The following PDE4D variants were observed in gnomAD, a reference collection of about 807,000 sequenced individuals.
PDE4D encodes the protein 3',5'-cyclic-AMP phosphodiesterase 4D.
PDE4D carries 24 observed loss-of-function variants against 87.4 expected under a neutral mutation model. That is an observed-to-expected ratio of 0.27 (90% CI 0.20 to 0.39). PDE4D has a LOEUF of 0.39. Ranked by LOEUF, PDE4D falls within the 10% of genes least tolerant of loss-of-function variation. PDE4D has a pLI of 1.00. For missense variants in PDE4D, 714 were observed against 1,041.0 expected, an observed-to-expected ratio of 0.69 and a Z score of 4.32; for synonymous variants, 384 against 383.2, an observed-to-expected ratio of 1.00 and a Z score of -0.02.
chr5:59,901,389 T>G (rs538733570), intron 3 of PDE4D, among the ~76,000 whole-genome samples: 1 of 152,316 alleles, frequency 6.6e-6, no homozygotes, highest in East Asian at 1.9e-4. Flanking sequence ...TATTATAGTA[T>G]TCATGCAAGG....
chr5:60,017,268 A>G (rs1369765039), intron 2 of PDE4D, among the ~76,000 whole-genome samples: 1 of 152,196 alleles, frequency 6.6e-6, no homozygotes, highest in Non-Finnish European at 1.5e-5. Flanking sequence ...ATAGAGCACA[A>G]AGAGAGTAGA....
chr5:59,599,918 G>C (rs764516077), intron 1 of PDE4D, among the ~76,000 whole-genome samples: 7 of 152,194 alleles, frequency 4.6e-5, no homozygotes, highest in African/African-American at 7.2e-5. Flanking sequence ...TCGTAAGATG[G>C]CATCACATGT....
In PDE4D at chr5:60,493,424, G is replaced by A. The variant is rs1021484948; in HGVS notation, n.70+28627C>T. ...GCTTAAATATGAGCTATGTTGAAGC[G>A]AATTATATTTTCTCCTCCCATTGAT... On this transcript the variant is annotated intron_variant and non_coding_transcript_variant, in intron 1 of 2. Transcript: ENST00000506510. 4.6e-5 allele frequency among the ~76,000 whole-genome samples: 7 copies of A among 152,140 alleles called. No individual in the cohort carries two copies. In the South Asian group the frequency reaches 1.0e-3, roughly 23 times the overall value.
intron 2 of PDE4D, among the ~76,000 whole-genome samples, chr5:60,148,897 G>C (rs1376063896): frequency 6.6e-6 from 1 of 152,146 alleles, no homozygotes; most frequent in Non-Finnish European, 1.5e-5. Flanking sequence ...TTATTTATAT[G>C]TTGCCGTCTT....
rs371999024 is a variant in PDE4D, at chr5:59,323,583, T to C, written c.456-107615A>G. ...AAATGTGAGTGATTATTAATCCCTA[T>C]TTCTCTTACCTATTAACCAAGTCCT... On this transcript the variant is annotated intron_variant, in intron 1 of 14. Transcript: ENST00000340635. Among the ~76,000 whole-genome samples, 18 of 152,180 alleles carry C rather than the reference T, an allele frequency of 1.2e-4. No homozygotes were observed. The South Asian group carries it at 2.1e-3, about 18-fold the overall frequency.
intron 6 of PDE4D, among the ~76,000 whole-genome samples, chr5:59,003,602 C>T (rs1040333741): frequency 6.6e-6 from 1 of 152,216 alleles, no homozygotes; most frequent in Non-Finnish European, 1.5e-5. Context: ...AAAGCTTTCT[C>T]ACCTGCAGCT....
intron 1 of PDE4D, chr5:60,429,859 TA>T: frequency 3.0e-6 from 1 of 338,552 alleles, no homozygotes; most frequent in Non-Finnish European, 5.8e-6. Context: ...TTTTTTTTTT[TA>T]AACAATTTTA....
intron 2 of PDE4D, among the ~76,000 whole-genome samples, chr5:60,171,626 T>C (rs1366286466): frequency 6.6e-6 from 1 of 152,100 alleles, no homozygotes; most frequent in African/African-American, 2.4e-5. Context: ...TGGATTTAAA[T>C]CCAGTGAAAT....
chr5:59,883,925 C>CTTTT (rs201461126), intron 1 of PDE4D, among the ~76,000 whole-genome samples: 1 of 151,808 alleles, frequency 6.6e-6, no homozygotes, highest in Admixed American at 6.6e-5. Flanking sequence ...CAATCCTTTG[C>CTTTT]TTTTTTTGGG....
chr5:60,142,757 C>T (rs1004879093), intron 2 of PDE4D, among the ~76,000 whole-genome samples: 28 of 152,142 alleles, frequency 1.8e-4, no homozygotes, highest in African/African-American at 6.8e-4. Flanking sequence ...CAGAGAACCA[C>T]TGAAGATGAG....
intron 3 of PDE4D, among the ~76,000 whole-genome samples, chr5:59,924,073 A>G (rs1387237619): frequency 1.3e-5 from 2 of 152,220 alleles, no homozygotes; most frequent in Non-Finnish European, 2.9e-5. Context: ...CTGTAGTTGA[A>G]AAGTGTAATT....
intron 2 of PDE4D, among the ~76,000 whole-genome samples, chr5:60,121,906 T>A (rs1171060258): frequency 6.6e-6 from 1 of 152,168 alleles, no homozygotes; most frequent in Non-Finnish European, 1.5e-5. Flanking sequence ...GCTAGTTACT[T>A]CCTAGAGACA....
At chr5:59,922,496 A>T (rs1754781849) in intron 3 of PDE4D, among the ~76,000 whole-genome samples, 1 of 152,084 alleles carries the variant, frequency 6.6e-6, no homozygotes, top group South Asian at 2.1e-4. Context: ...TTTGTCTTGC[A>T]ATTTGGATAC....
intron 1 of PDE4D, among the ~76,000 whole-genome samples, chr5:59,531,288 A>G (rs1814175443): frequency 6.6e-6 from 1 of 152,128 alleles, no homozygotes; most frequent in Non-Finnish European, 1.5e-5. Context: ...ATCTCCTTTG[A>G]GTCTATGCAA....
chr5:59,394,923 T>G (rs62355532), intron 1 of PDE4D, among the ~76,000 whole-genome samples: 2 of 151,560 alleles, frequency 1.3e-5, no homozygotes, highest in Non-Finnish European at 2.9e-5. Flanking sequence ...ACTCGGGAAG[T>G]GCAAGGGGTC....
At chr5:60,223,123 G>T (rs1326861189) in intron 1 of PDE4D, among the ~76,000 whole-genome samples, 1 of 152,028 alleles carries the variant, frequency 6.6e-6, no homozygotes, top group Non-Finnish European at 1.5e-5. Flanking sequence ...GACAGGGTGG[G>T]AATAGAGTGA....
chr5:59,147,344 T>C (rs754831908), intron 5 of PDE4D, among the ~76,000 whole-genome samples: 8 of 152,238 alleles, frequency 5.3e-5, no homozygotes, highest in Non-Finnish European at 1.0e-4. Context: ...ACAAAGGCTA[T>C]ATTTGAAAAG....
chr5:59,522,518 A>C (rs1026688508), intron 1 of PDE4D, among the ~76,000 whole-genome samples: 2 of 152,238 alleles, frequency 1.3e-5, no homozygotes, highest in African/African-American at 4.8e-5. Context: ...TAAGCTGCAC[A>C]TTAACTAACT....
At chr5:59,387,516 G>C (rs1212124905) in intron 1 of PDE4D, among the ~76,000 whole-genome samples, 3 of 152,098 alleles carry the variant, frequency 2.0e-5, no homozygotes, top group Non-Finnish European at 4.4e-5. Flanking sequence ...GAAAGAAAGA[G>C]GAAACAGAAA....
Sources: allele counts gnomAD v4.1 joint callset (sites outside exome capture counted in the v4.1 genomes callset), GRCh38; gene constraint gnomAD v4.1.1; transcripts MANE v1.5; gene names NCBI Gene and HGNC (gene_info 2026-07-23, HGNC 2026-07-21).